Variants in RFWD3 observed in about 807,000 individuals in gnomAD.
RFWD3 encodes ring finger and WD repeat domain 3, also known as E3 ubiquitin-protein ligase RFWD3.
RFWD3 carries 65 observed loss-of-function variants against 87.7 expected under a neutral mutation model. That is an observed-to-expected ratio of 0.74 (90% confidence interval 0.61 to 0.91). The LOEUF (loss-of-function observed/expected upper bound fraction) is 0.91. Among genes scored for constraint, RFWD3 ranks in the 40% least tolerant of loss-of-function variants. The pLI is 0.00. For synonymous variants in RFWD3, 433 were observed against 352.8 expected (o/e 1.23, Z -2.55); for missense variants, 1,078 against 938.5 (o/e 1.15, Z -1.94).
intron 7 of RFWD3, 114 bp downstream of exon 7, chr16:74,637,742 A>C: frequency 1.4e-6 from 1 of 724,472 alleles, no homozygotes; most frequent in Non-Finnish European, 2.4e-6. Flanking sequence ...GGTCATGTTC[A>C]TTTCCTAAAC....
chr16:74,632,538 G>C lies in RFWD3; in HGVS notation c.1562C>G (p.Thr521Ser). Residue 521 changes from threonine (T) to serine (S), a missense_variant, in exon 9 of 13, where the codon ACT becomes AGT. Transcript: ENST00000361070. ...GLLLSASLDN[T>S]IKLTSLETNT... is the part of the protein sequence containing the mutation. Reference sequence around the variant, plus strand: ...AATCACTCACCTGGTCAGTTTAATAGTGTTGTCTAGGGAAGCAGAGAGTAG... The same window carrying C: ...AATCACTCACCTGGTCAGTTTAATACTGTTGTCTAGGGAAGCAGAGAGTAG... The C allele has an allele frequency of 1.2e-6, 2 of 1,613,982 alleles. No homozygotes were observed. Among genetic ancestry groups the C allele is most frequent in the Non-Finnish European group, 1.7e-6 (2 of 1,179,886 alleles).
chr16:74,645,358 A>G (rs1960037795), intron 4 of RFWD3, among the ~76,000 whole-genome samples: 1 of 152,264 alleles, frequency 6.6e-6, no homozygotes, highest in Non-Finnish European at 1.5e-5. Context: ...TCATGGATAT[A>G]TAGTCATGCA....
chr16:74,628,709 C>T (rs1367962226), intron 10 of RFWD3, 43 bp from the exon 11 acceptor site: 4 of 1,589,238 alleles, frequency 2.5e-6, no homozygotes, highest in African/African-American at 1.3e-5. Context: ...CTCCAAAACT[C>T]GGACGGCTCC....
intron 6 of RFWD3, chr16:74,644,098 G>A (rs1959908964): frequency 1.3e-5 from 7 of 527,008 alleles, no homozygotes; most frequent in Non-Finnish European, 2.1e-5. Context: ...TCAGGGATAT[G>A]AGAAGCAAAA....
chr16:74,637,946 T>G lies in RFWD3; in HGVS notation c.1104A>C (p.Leu368=). The change falls in exon 7 of 13, where the codon CTA becomes CTC. Residue 368 remains leucine, a synonymous_variant. Transcript: ENST00000361070. ...MKSSLLKEQM[L]RKQAELESAQ... ...CTGATTCTAACTCGGCCTGTTTCCT[T>G]AGCATCTGTTCCTTCAGTAGGGAAC... The G allele has an allele frequency of 6.2e-7, 1 of 1,611,610 alleles. No individual in the cohort carries two copies. Among genetic ancestry groups the G allele is most frequent in the Non-Finnish European group, 8.5e-7 (1 of 1,179,474 alleles).
At chr16:74,634,547 G>T (rs1346153803) in intron 8 of RFWD3, among the ~76,000 whole-genome samples, 1 of 152,036 alleles carries the variant, frequency 6.6e-6, no homozygotes, top group Non-Finnish European at 1.5e-5. Context: ...ACCACACCAA[G>T]CTAGTTAAGA....
chr16:74,664,133 G>A (rs1555529542), intron 1 of RFWD3, among the ~76,000 whole-genome samples: 2 of 152,160 alleles, frequency 1.3e-5, no homozygotes, highest in Non-Finnish European at 1.5e-5. Flanking sequence ...AACATTTTTT[G>A]TATAGATGGG....
chr16:74,648,391 G>A (rs1960322794), intron 4 of RFWD3, among the ~76,000 whole-genome samples: 1 of 151,152 alleles, frequency 6.6e-6, no homozygotes, highest in Admixed American at 6.6e-5. Flanking sequence ...CCTACTTCAG[G>A]TGATCCACCC....
intron 7 of RFWD3, 109 bp from the exon 8 acceptor site, chr16:74,636,686 G>A: frequency 1.2e-6 from 1 of 826,290 alleles, no homozygotes; most frequent in Non-Finnish European, 1.9e-6. Context: ...ATATGAAAGT[G>A]TTAACATGAA....
chr16:74,636,720 G>GA (rs1555525913), intron 7 of RFWD3, 143 bp from the exon 8 acceptor site: 5 of 551,266 alleles, frequency 9.1e-6, no homozygotes, highest in African/African-American at 6.0e-5. Flanking sequence ...CAGAGTTTTT[G>GA]TTTTTTTTTT....
At chr16:74,660,542 C>T (rs910495309) in intron 2 of RFWD3, 1 of 185,310 alleles carries the variant, frequency 5.4e-6, no homozygotes, top group African/African-American at 2.4e-5. Flanking sequence ...CAGCTAAGCC[C>T]TTCAAGAGGC....
chr16:74,650,783 G>C (rs565432958), intron 3 of RFWD3, among the ~76,000 whole-genome samples: 107 of 152,008 alleles, frequency 7.0e-4, no homozygotes, highest in Non-Finnish European at 1.2e-3. Context: ...TGGCTGAGGC[G>C]GGAGGATCGC....
Position 74,636,418 on chromosome 16 carries a change from T to G in RFWD3, c.1354A>C (p.Ile452Leu). 1.2e-6 allele frequency: 2 copies of G among 1,614,146 alleles called. No individual in the cohort carries two copies. Among genetic ancestry groups the G allele is most frequent in the Non-Finnish European group, 1.7e-6 (2 of 1,180,026 alleles). Residue 452 changes from isoleucine (I) to leucine (L), a missense_variant, in exon 8 of 13, where the codon ATC (isoleucine) becomes CTC (leucine). By Grantham distance (5) the Ile-to-Leu change is conservative. Transcript: ENST00000361070. ...CTCAGAGCATCACAGTATGCCATGA[T>G]CCGGCAGTTTCCTGCCTGAGATACT... ...FTVSQAGNCRIMAYCDALSCL... is the reference protein window; with the variant it reads ...FTVSQAGNCRLMAYCDALSCL...
chr16:74,636,352 G>A lies in RFWD3; in HGVS notation c.1420C>T (p.Leu474Phe). ...GAGGTTCTAGACTCTTTACCTGGAA[G>A]AAAAGAGGCCTGAGGAGAAGGCTGT... is the stretch of plus-strand genomic sequence containing the variant. ...ISQPSPQASFLPGFGVKMLST... is the reference protein window; with the variant it reads ...ISQPSPQASFFPGFGVKMLST... The change falls in exon 8 of 13, where the codon CTT becomes TTT. Residue 474 changes from leucine to phenylalanine, a missense_variant. Leu to Phe is a conservative substitution (Grantham distance 22). Coordinates refer to ENST00000361070, the MANE Select transcript of RFWD3 (RefSeq NM_018124.4). The A allele has an allele frequency of 6.2e-7, 1 of 1,613,722 alleles. No individual in the cohort carries two copies. The highest frequency in any genetic ancestry group is 8.5e-7 in the Non-Finnish European group (1 of 1,179,606).
chr16:74,653,636 G>C (rs751271171), intron 2 of RFWD3, among the ~76,000 whole-genome samples: 11 of 152,060 alleles, frequency 7.2e-5, no homozygotes, highest in Non-Finnish European at 1.5e-4. Context: ...AACAAAGTAA[G>C]ACACCATCTC....
chr16:74,647,951 A>T (rs1184571595), intron 4 of RFWD3, among the ~76,000 whole-genome samples: 1 of 151,682 alleles, frequency 6.6e-6, no homozygotes, highest in Non-Finnish European at 1.5e-5. Context: ...ATTTTTTTTT[A>T]ATTTTAATTT....
At chr16:74,649,069 G>T in intron 4 of RFWD3, 63 bp downstream of exon 4, 3 of 1,115,618 alleles carry the variant, frequency 2.7e-6, no homozygotes, top group Non-Finnish European at 2.5e-6. Context: ...GTGAGAGTGA[G>T]ACCTAGTCTC....
rs118020636 is a variant in RFWD3, at chr16:74,645,364, A to T, written c.793-629T>A. Among the ~76,000 whole-genome samples the T allele has an allele frequency of 2.2e-4, 34 of 152,370 alleles. No individual in the cohort carries two copies. The East Asian group carries it at 5.2e-3, about 23-fold the overall frequency. ...AGAGATACCTCATGGATATATAGTC[A>T]TGCATTGCTTGACAATGGGAATACA... On this transcript the variant is annotated intron_variant, in intron 4 of 12. Coordinates refer to ENST00000361070, the MANE Select transcript of RFWD3 (RefSeq NM_018124.4).
Position 74,626,523 on chromosome 16 carries a change from C to T in RFWD3, c.2001G>A (p.Leu667=), listed in dbSNP as rs754556807. 2 of 1,614,130 alleles carry T rather than the reference C, an allele frequency of 1.2e-6. No individual in the cohort carries two copies. The highest frequency in any genetic ancestry group is 1.7e-6 in the Non-Finnish European group (2 of 1,179,992). The change falls in exon 12 of 13, where the codon CTG becomes CTA. Residue 667 remains leucine (L), a synonymous_variant. Transcript: ENST00000361070. Reference sequence around the variant, plus strand: ...CATCCAGTCGGTAGGACATTTCCATCAGCACACTTCGTATGGTGGTGTGAT... The same window carrying T: ...CATCCAGTCGGTAGGACATTTCCATTAGCACACTTCGTATGGTGGTGTGAT... ...DKNHTTIRSV[L]MEMSYRLDDT... is the part of the protein sequence containing the mutation.
Sources: allele counts gnomAD v4.1 joint callset (sites outside exome capture counted in the v4.1 genomes callset), GRCh38; gene constraint gnomAD v4.1.1; transcripts MANE v1.5; gene names NCBI Gene and HGNC (gene_info 2026-07-23, HGNC 2026-07-21).